Variants in ZNF654 observed in about 807,000 individuals in gnomAD.
ZNF654 encodes the protein melanoma-associated antigen.
In ZNF654, 19 loss-of-function variants were observed where a neutral mutation model predicts 95.3. That is an observed-to-expected ratio of 0.20 (90% CI 0.14 to 0.29). ZNF654 has a LOEUF of 0.29. ZNF654 is among the 10% of genes least tolerant of loss of function. The pLI is 1.00. For synonymous variants in ZNF654, 413 were observed against 457.9 expected (o/e 0.90, Z 1.25); for missense variants, 1,046 against 1,341.0 (o/e 0.78, Z 3.44).
At chr3:88,092,489 A>T (rs1467279548) in intron 2 of ZNF654, among the ~76,000 whole-genome samples, 1 of 152,204 alleles carries the variant, frequency 6.6e-6, no homozygotes, top group Non-Finnish European at 1.5e-5. Context: ...GGGTGAGCTA[A>T]CTTGCTGTAC....
At chr3:88,125,251 T>G (rs1224854807) in intron 3 of ZNF654, among the ~76,000 whole-genome samples, 2 of 150,212 alleles carry the variant, frequency 1.3e-5, no homozygotes, top group Non-Finnish European at 3.0e-5. Flanking sequence ...AAAACCAATA[T>G]CTAATAAAGT....
intron 7 of ZNF654, 121 bp from the exon 8 acceptor site, chr3:88,138,584 G>T (rs1706944226): frequency 1.9e-6 from 1 of 518,050 alleles, no homozygotes; most frequent in Non-Finnish European, 3.0e-6. Flanking sequence ...ATGGAAAATT[G>T]GACATTGGAA....
At chr3:88,061,359 A>G (rs1193811257) in intron 1 of ZNF654, among the ~76,000 whole-genome samples, 1 of 152,200 alleles carries the variant, frequency 6.6e-6, no homozygotes, top group Non-Finnish European at 1.5e-5. Context: ...GAAGTTGACT[A>G]CTTTATGACT....
At chr3:88,083,059 C>T (rs1708163243) in intron 1 of ZNF654, among the ~76,000 whole-genome samples, 1 of 151,910 alleles carries the variant, frequency 6.6e-6, no homozygotes, top group Non-Finnish European at 1.5e-5. Context: ...CTCCCTCTTC[C>T]TCCCTCTTCT....
intron 1 of ZNF654, among the ~76,000 whole-genome samples, chr3:88,073,957 T>G (rs992938096): frequency 3.3e-5 from 5 of 152,212 alleles, no homozygotes; most frequent in African/African-American, 1.2e-4. Context: ...AGGCAGTTTC[T>G]GTGTTTGAGA....
chr3:88,059,524 G>T lies in ZNF654; in HGVS notation c.186+19G>T, dbSNP rs1289116229. On this transcript the variant is annotated intron_variant, in intron 1 of 8. Transcript: ENST00000636215. ...CTGTCAGGTGAGGCGTCCGTTGGCC[G>T]CCCCGACTTGTCACCCGGGTCCTGG... 3 of 1,459,496 alleles carry T rather than the reference G, an allele frequency of 2.1e-6. No individual in the cohort carries two copies. Among genetic ancestry groups the T allele is most frequent in the South Asian group, 1.4e-5 (1 of 70,798 alleles). The allele number at this position is 1,459,496 out of a possible 1,614,324, so 90.4% of individuals were successfully genotyped here.
intron 7 of ZNF654, among the ~76,000 whole-genome samples, chr3:88,137,161 C>A (rs1706840708): frequency 7.6e-6 from 1 of 131,392 alleles, no homozygotes; most frequent in East Asian, 2.4e-4. Flanking sequence ...TGCCATTCTA[C>A]TCCAGCCTGG....
intron 2 of ZNF654, among the ~76,000 whole-genome samples, chr3:88,108,773 T>A (rs1704901655): frequency 6.6e-6 from 1 of 151,914 alleles, no homozygotes; most frequent in Non-Finnish European, 1.5e-5. Context: ...AATTCATATA[T>A]GCCAAAGAAA....
At chr3:88,065,735 T>A (rs1029583663) in intron 1 of ZNF654, among the ~76,000 whole-genome samples, 1 of 152,192 alleles carries the variant, frequency 6.6e-6, no homozygotes, top group African/African-American at 2.4e-5. Context: ...TATTATTATT[T>A]TTTTGAGACA....
intron 2 of ZNF654, among the ~76,000 whole-genome samples, chr3:88,107,746 TCATC>T (rs1704832310): frequency 1.3e-5 from 2 of 152,190 alleles, no homozygotes; most frequent in Admixed American, 1.3e-4. Context: ...GTGTATCTAA[TCATC>T]CATAAGATCT....
chr3:88,060,691 C>T (rs1253053030), intron 1 of ZNF654, among the ~76,000 whole-genome samples: 2 of 152,104 alleles, frequency 1.3e-5, no homozygotes, highest in Non-Finnish European at 2.9e-5. Flanking sequence ...CTATTAATTT[C>T]GTTCTGATAA....
chr3:88,069,016 G>A (rs1490118453), intron 1 of ZNF654, among the ~76,000 whole-genome samples: 1 of 152,146 alleles, frequency 6.6e-6, no homozygotes. Context: ...TTGAGTGGAA[G>A]CAGTGGAATG....
intron 6 of ZNF654, among the ~76,000 whole-genome samples, chr3:88,133,110 C>T (rs1706563417): frequency 6.6e-6 from 1 of 152,192 alleles, no homozygotes; most frequent in South Asian, 2.1e-4. Flanking sequence ...GAGTTGAGAA[C>T]ATTCCAGAGA....
intron 3 of ZNF654, 116 bp downstream of exon 3, chr3:88,113,312 TG>T: frequency 3.5e-6 from 2 of 572,838 alleles, no homozygotes; most frequent in South Asian, 5.8e-5. Context: ...ATTGCTAAGG[TG>T]ACAGTGTTTA....
At chr3:88,136,930 T>C (rs1387583742) in intron 7 of ZNF654, among the ~76,000 whole-genome samples, 1 of 152,056 alleles carries the variant, frequency 6.6e-6, no homozygotes, top group African/African-American at 2.4e-5. Flanking sequence ...CGCGATGGCT[T>C]ACACCAGTAA....
intron 2 of ZNF654, among the ~76,000 whole-genome samples, chr3:88,110,732 T>G (rs1705039346): frequency 6.6e-6 from 1 of 152,098 alleles, no homozygotes; most frequent in Admixed American, 6.6e-5. Flanking sequence ...GTTGACTATT[T>G]ATACAGTCAA....
rs1706338240 is a variant in ZNF654, at chr3:88,129,810, G to T, written c.877G>T (p.Asp293Tyr). 2 of 1,512,358 alleles carry T rather than the reference G, an allele frequency of 1.3e-6. No homozygotes were observed. The highest frequency in any genetic ancestry group is 1.2e-5 in the South Asian group (1 of 80,612). The allele number at this position is 1,512,358 out of a possible 1,614,324, so 93.7% of individuals were successfully genotyped here. A position where few individuals can be genotyped will look rare whatever the true frequency, so the allele number is the denominator to read the frequency against. The change falls in exon 6 of 9, where the codon GAT becomes TAT. Residue 293 changes from aspartate (D) to tyrosine (Y), a missense_variant. Coordinates refer to ENST00000636215, the MANE Select transcript of ZNF654 (RefSeq NM_001350134.2). The stretch of plus-strand genomic sequence containing the variant: ...TCTTATTCCACAGCTCCAGAATGGG[G>T]ATATGTACTGTATCTGGTAAGTGTT... ...SFLIPQLQNGDMYCIWELIFI... is the reference protein window; with the variant it reads ...SFLIPQLQNGYMYCIWELIFI...
intron 5 of ZNF654, 94 bp downstream of exon 5, chr3:88,129,105 T>A: frequency 1.1e-6 from 1 of 878,748 alleles, no homozygotes; most frequent in Non-Finnish European, 1.7e-6. Context: ...GTTAAATTCC[T>A]TTTACAGTAA....
intron 1 of ZNF654, among the ~76,000 whole-genome samples, chr3:88,074,434 T>C (rs180786151): frequency 6.6e-6 from 1 of 151,094 alleles, no homozygotes; most frequent in Non-Finnish European, 1.5e-5. Context: ...CTCTGCCTCC[T>C]GGGTTGAAGC....
Sources: gnomAD v4.1 joint callset for allele counts (sites outside exome capture counted in the v4.1 genomes callset) on GRCh38, gnomAD v4.1.1 for gene constraint, MANE v1.5 for transcripts, NCBI Gene and HGNC (gene_info 2026-07-23, HGNC 2026-07-21) for gene names.